Variants in LRP2BP observed in about 807,000 individuals in gnomAD.
The protein encoded by LRP2BP is LRP2 binding protein, also known as LRP2-binding protein.
LRP2BP carries 38 observed loss-of-function variants against 45.2 expected under a neutral mutation model. The ratio of observed to expected loss-of-function variants is 0.84; its 90% CI spans 0.65 to 1.10. The LOEUF (loss-of-function observed/expected upper bound fraction) is 1.10, where lower values mean the gene tolerates loss of function less well. LRP2BP is among the 50% of genes least tolerant of loss of function. The pLI, the probability that LRP2BP is intolerant of heterozygous loss-of-function variation, is 0.00. For missense variants in LRP2BP, 385 were observed against 418.9 expected, an observed-to-expected ratio of 0.92 and a Z score of 0.71; for synonymous variants, 153 against 153.9, an observed-to-expected ratio of 0.99 and a Z score of 0.04.
At chr4:185,393,508 G>A (rs2095493713) in intron 1 of LRP2BP, among the ~76,000 whole-genome samples, 1 of 145,234 alleles carries the variant, frequency 6.9e-6, no homozygotes, top group Non-Finnish European at 1.5e-5. Context: ...ACTGATGCAA[G>A]AGTAATTACT....
At chr4:185,371,717 A>G (rs2095416768) in intron 7 of LRP2BP, among the ~76,000 whole-genome samples, 3 of 152,172 alleles carry the variant, frequency 2.0e-5, no homozygotes. Flanking sequence ...AGAATGATTT[A>G]AAGTCTTAGT....
intron 1 of LRP2BP, among the ~76,000 whole-genome samples, chr4:185,387,177 G>A (rs958197197): frequency 1.3e-5 from 2 of 152,216 alleles, no homozygotes; most frequent in Non-Finnish European, 2.9e-5. Context: ...AGACTGCAGT[G>A]AGCCGAGATT....
intron 7 of LRP2BP, 136 bp downstream of exon 7, chr4:185,372,720 C>T: frequency 1.5e-6 from 1 of 653,494 alleles, no homozygotes. Context: ...CACGTGAGGA[C>T]ATGATGGTCC....
At chr4:185,371,983 G>A (rs1421443655) in intron 7 of LRP2BP, among the ~76,000 whole-genome samples, 2 of 152,134 alleles carry the variant, frequency 1.3e-5, no homozygotes, top group Non-Finnish European at 2.9e-5. Flanking sequence ...CTGTCTCCCC[G>A]ACCCACTGCT....
intron 7 of LRP2BP, chr4:185,371,018 G>A (rs1051566508): frequency 4.7e-5 from 24 of 511,134 alleles, no homozygotes; most frequent in Admixed American, 3.1e-4. Flanking sequence ...GACTTCACAT[G>A]TCTCTGTAAT....
chr4:185,372,932 C>T lies in LRP2BP; in HGVS notation c.727G>A (p.Val243Ile), dbSNP rs200032008. Residue 243 changes from valine (V) to isoleucine (I), a missense_variant, in exon 7 of 9, where the codon GTC becomes ATC. Coordinates refer to ENST00000505916, the MANE Select transcript of LRP2BP (RefSeq NM_001377440.1). ...CLREAAERGN[V>I]YAQGNLVEYY... ...TCCACGAGATTCCCTTGAGCATAGA[C>T]GTTTCCGCGTTCTGCTGCTTCTCTT... 2.2e-5 allele frequency: 35 copies of T among 1,613,914 alleles called. No homozygotes were observed. Among genetic ancestry groups the T allele is most frequent in the East Asian group, 2.0e-4 (9 of 44,870 alleles).
At chr4:185,376,422 G>A (rs2095437730) in intron 3 of LRP2BP, among the ~76,000 whole-genome samples, 1 of 148,654 alleles carries the variant, frequency 6.7e-6, no homozygotes, top group African/African-American at 2.5e-5. Flanking sequence ...GATTACAGAT[G>A]TGTGCCACCA....
intron 3 of LRP2BP, among the ~76,000 whole-genome samples, chr4:185,376,567 TAC>T (rs1389146146): frequency 6.6e-6 from 1 of 151,984 alleles, no homozygotes; most frequent in Non-Finnish European, 1.5e-5. Flanking sequence ...GTACTGGGAT[TAC>T]AGGCGTGAGC....
At chr4:185,386,382 A>G (rs1043003222) in intron 1 of LRP2BP, among the ~76,000 whole-genome samples, 4 of 152,252 alleles carry the variant, frequency 2.6e-5, no homozygotes, top group Admixed American at 6.5e-5. Flanking sequence ...ACACAAAAAT[A>G]TAAACTATGT....
chr4:185,385,204 C>T lies in LRP2BP; in HGVS notation c.-21-6997G>A, dbSNP rs183242157. ...TTCCCGCCGTTTGTGTGGGCCCACA[C>T]GTCTATTTGTTCTGTTCCCAATGGG... On this transcript the variant is annotated intron_variant, in intron 1 of 8. Transcript: ENST00000505916. 1.8e-3 allele frequency among the ~76,000 whole-genome samples: 272 copies of T among 152,262 alleles called. 1 individual carries two copies. Among genetic ancestry groups the T allele is most frequent in the Middle Eastern group, 3.4e-3 (1 of 294 alleles).
At chr4:185,378,397 GAGAC>G (rs1561085339) in intron 1 of LRP2BP, 190 bp from the exon 2 acceptor site, 42 of 1,372,644 alleles carry the variant, frequency 3.1e-5, no homozygotes, top group Non-Finnish European at 3.9e-5. Context: ...CCCTAGCTGA[GAGAC>G]AGCCATTCTC....
chr4:185,386,494 G>A (rs2126834392), intron 1 of LRP2BP, among the ~76,000 whole-genome samples: 1 of 152,340 alleles, frequency 6.6e-6, no homozygotes, highest in South Asian at 2.1e-4. Context: ...GGCCCAGAAA[G>A]TGGTGGGCAG....
At position 185,367,138 on chromosome 4, in the gene LRP2BP, G is replaced by C; in HGVS notation, c.*42C>G. 6.8e-7 allele frequency: 1 copy of C among 1,475,060 alleles called. No homozygotes were observed. 91.4% of individuals were successfully genotyped at this position (1,475,060 alleles called of 1,614,324 possible). ...GCTACTGTAAAAATACACACATTGT[G>C]AGGTGTTAGCATTGATGATCTTTGT... is the stretch of plus-strand genomic sequence containing the variant. On this transcript the variant is annotated 3_prime_UTR_variant, in exon 9 of 9. Coordinates refer to ENST00000505916, the MANE Select transcript of LRP2BP (RefSeq NM_001377440.1).
chr4:185,385,184 G>A (rs1416343093), intron 1 of LRP2BP, among the ~76,000 whole-genome samples: 2 of 152,086 alleles, frequency 1.3e-5, no homozygotes, highest in Non-Finnish European at 2.9e-5. Flanking sequence ...AAATCTTCCC[G>A]CCGTTTGTGT....
At chr4:185,395,998 C>T, upstream of LRP2BP, 1 of 753,780 alleles carries the variant, frequency 1.3e-6, no homozygotes, top group Non-Finnish European at 1.6e-6. Context: ...GACGCACGCC[C>T]GACAGCACCC....
chr4:185,389,400 C>T (rs749851669), intron 1 of LRP2BP, among the ~76,000 whole-genome samples: 8 of 150,824 alleles, frequency 5.3e-5, no homozygotes, highest in South Asian at 2.1e-4. Context: ...TTAATAGAGA[C>T]GGGGTTTCAC....
upstream of LRP2BP, chr4:185,396,569 GC>G (rs2126865478): frequency 6.7e-6 from 2 of 298,742 alleles, no homozygotes; most frequent in East Asian, 8.1e-5. Context: ...GCTCCGTGGG[GC>G]CGCCGCGGGC....
intron 3 of LRP2BP, among the ~76,000 whole-genome samples, chr4:185,375,973 C>A (rs2095436112): frequency 6.6e-6 from 1 of 152,166 alleles, no homozygotes; most frequent in South Asian, 2.1e-4. Context: ...AAGGTGCCAT[C>A]GAAAAGTGAG....
intron 1 of LRP2BP, among the ~76,000 whole-genome samples, chr4:185,394,127 G>A (rs771907585): frequency 4.6e-5 from 7 of 152,074 alleles, no homozygotes; most frequent in Admixed American, 1.3e-4. Context: ...GTGTGGTGGC[G>A]TATAGCTGTA....
Sources: gnomAD v4.1 joint callset for allele counts (sites outside exome capture counted in the v4.1 genomes callset) on GRCh38, gnomAD v4.1.1 for gene constraint, MANE v1.5 for transcripts, NCBI Gene and HGNC (gene_info 2026-07-23, HGNC 2026-07-21) for gene names.